The following NOX4 variants were observed in gnomAD, a reference collection of about 807,000 sequenced individuals.
NOX4 encodes the protein NADPH oxidase 4, also known as kidney oxidase-1.
A neutral mutation model predicts 87.6 loss-of-function variants in NOX4; 69 were observed. The observed-to-expected ratio is 0.79, with a 90% CI of 0.65 to 0.96. NOX4 has a LOEUF of 0.96. Among genes scored for constraint, NOX4 ranks in the 40% least tolerant of loss-of-function variants. NOX4 has a pLI of 0.00. For synonymous variants in NOX4, 275 were observed against 238.2 expected, an observed-to-expected ratio of 1.15 and a Z score of -1.42; for missense variants, 680 against 681.5, an observed-to-expected ratio of 1.00 and a Z score of 0.02.
At chr11:89,530,880 C>G in the NOX4 span, among the ~76,000 whole-genome samples, 1 of 151,750 alleles carries the variant, frequency 6.6e-6, no homozygotes, top group Non-Finnish European at 1.5e-5. Context: ...GAAGCTAAAC[C>G]GTAGAGAAAA....
In NOX4 at chr11:89,392,133, T is replaced by C. The variant is rs1333294428; in HGVS notation, c.1074+7884A>G. Among the ~76,000 whole-genome samples, 3 of 152,126 alleles carry C rather than the reference T, an allele frequency of 2.0e-5. No individual in the cohort carries two copies. In the East Asian group the frequency reaches 5.8e-4, roughly 29 times the overall value. On this transcript the variant is annotated intron_variant, in intron 11 of 17. Transcript: ENST00000263317. ...TCTCTGTCATTTTGGTAAAATATTC[T>C]TACAGAACCAGAAGAAATAAGACAA...
Position 89,326,870 on chromosome 11 carries a change from T to C in NOX4, c.1623A>G (p.Thr541=). The C allele has an allele frequency of 6.2e-7, 1 of 1,612,970 alleles. No individual in the cohort carries two copies. Among genetic ancestry groups the C allele is most frequent in the East Asian group, 2.2e-5 (1 of 44,790 alleles). ...DEIAKYNRGK[T]VGVFCCGPNS... ...TGGGTCCACAACAGAAAACACCAAC[T>C]GTTTTTCTAGAACAAGAGCAGAGAA... is the stretch of plus-strand genomic sequence containing the variant. The change falls in exon 18 of 18, where the codon ACA becomes ACG. Residue 541 remains threonine (T), a synonymous_variant. Coordinates refer to ENST00000263317, the MANE Select transcript of NOX4 (RefSeq NM_016931.5).
intron 7 of NOX4, among the ~76,000 whole-genome samples, chr11:89,422,922 C>T (rs747542888): frequency 6.6e-6 from 1 of 151,654 alleles, no homozygotes; most frequent in Non-Finnish European, 1.5e-5. Flanking sequence ...GCCTCAGCCT[C>T]CTGAGCAGCT....
chr11:89,587,491 G>A, the NOX4 span, among the ~76,000 whole-genome samples: 14 of 67,812 alleles, frequency 2.1e-4, no homozygotes, highest in East Asian at 9.5e-4. Flanking sequence ...AAAGGATTGC[G>A]TTCCAGATGA....
intron 8 of NOX4, among the ~76,000 whole-genome samples, chr11:89,415,103 C>T (rs917267213): frequency 8.6e-5 from 13 of 151,990 alleles, no homozygotes; most frequent in Admixed American, 2.6e-4. Context: ...TTCAATTCCC[C>T]ATCTGTAAAA....
At chr11:89,562,256 A>C in the NOX4 span, among the ~76,000 whole-genome samples, 1 of 152,206 alleles carries the variant, frequency 6.6e-6, no homozygotes, top group Non-Finnish European at 1.5e-5. Context: ...GAAATTAAAA[A>C]TGAGAAAACA....
At chr11:89,335,205 A>T (rs978425897) in intron 17 of NOX4, among the ~76,000 whole-genome samples, 6 of 151,802 alleles carry the variant, frequency 4.0e-5, no homozygotes, top group Non-Finnish European at 5.9e-5. Context: ...AGTGCTCTGC[A>T]CTATGATAAA....
chr11:89,538,349 T>A, the NOX4 span, among the ~76,000 whole-genome samples: 1 of 152,258 alleles, frequency 6.6e-6, no homozygotes, highest in Admixed American at 6.5e-5. Context: ...ACAATATGGT[T>A]TTAATTTTCA....
intron 3 of NOX4, among the ~76,000 whole-genome samples, chr11:89,451,374 A>C (rs910902021): frequency 1.1e-4 from 17 of 152,140 alleles, no homozygotes; most frequent in African/African-American, 4.1e-4. Flanking sequence ...AAAATACAGA[A>C]TCTCAATGAG....
intron 6 of NOX4, among the ~76,000 whole-genome samples, chr11:89,437,924 T>C (rs1035063902): frequency 6.6e-6 from 1 of 151,930 alleles, no homozygotes; most frequent in Non-Finnish European, 1.5e-5. Flanking sequence ...AAATACCTAA[T>C]ACAAAAGGCA....
chr11:89,436,541 T>A (rs1272667319), intron 6 of NOX4, among the ~76,000 whole-genome samples: 10 of 152,150 alleles, frequency 6.6e-5, no homozygotes, highest in Non-Finnish European at 1.5e-4. Flanking sequence ...GGCTTTATAT[T>A]TATGCATATT....
the NOX4 span, chr11:89,545,451 A>G: frequency 1.1e-3 from 168 of 152,296 alleles, no homozygotes; most frequent in African/African-American, 3.9e-3. Flanking sequence ...AAAATAATAT[A>G]TGATCATTGT....
intron 12 of NOX4, among the ~76,000 whole-genome samples, chr11:89,364,613 C>T (rs1938794579): frequency 6.6e-6 from 1 of 151,882 alleles, no homozygotes; most frequent in Non-Finnish European, 1.5e-5. Context: ...ACAACCAGAG[C>T]TAATGAATGA....
the NOX4 span, among the ~76,000 whole-genome samples, chr11:89,539,362 T>C: frequency 3.3e-5 from 5 of 151,584 alleles, no homozygotes; most frequent in African/African-American, 1.2e-4. Flanking sequence ...AACCCAGGAG[T>C]AGGAGGTTGC....
chr11:89,390,708 A>G (rs531260505), intron 11 of NOX4, among the ~76,000 whole-genome samples: 16 of 152,278 alleles, frequency 1.1e-4, no homozygotes, highest in African/African-American at 3.4e-4. Flanking sequence ...GCTGAGAATA[A>G]GGGAGGTGAG....
chr11:89,362,797 A>G (rs966656210), intron 12 of NOX4, among the ~76,000 whole-genome samples: 6 of 152,042 alleles, frequency 3.9e-5, no homozygotes, highest in African/African-American at 1.2e-4. Context: ...CACCACACCA[A>G]TGCAGACACA....
At chr11:89,382,547 C>G (rs1940369216) in intron 11 of NOX4, among the ~76,000 whole-genome samples, 1 of 152,042 alleles carries the variant, frequency 6.6e-6, no homozygotes, top group South Asian at 2.1e-4. Flanking sequence ...TCCCTCCCAC[C>G]TGTCCCCTCA....
chr11:89,375,780 G>C (rs1410967470), intron 11 of NOX4, among the ~76,000 whole-genome samples: 2 of 152,172 alleles, frequency 1.3e-5, no homozygotes, highest in African/African-American at 4.8e-5. Flanking sequence ...ACCCAACAGA[G>C]ATCTGAGCTA....
intron 2 of NOX4, among the ~76,000 whole-genome samples, chr11:89,472,890 A>C (rs1946008033): frequency 6.6e-6 from 1 of 152,206 alleles, no homozygotes; most frequent in Non-Finnish European, 1.5e-5. Context: ...AATCACAATT[A>C]ATACCTGTGA....
Sources: gnomAD v4.1 joint callset for allele counts (sites outside exome capture counted in the v4.1 genomes callset) on GRCh38, gnomAD v4.1.1 for gene constraint, MANE v1.5 for transcripts, NCBI Gene and HGNC (gene_info 2026-07-23, HGNC 2026-07-21) for gene names.